The following USP40 variants were observed in gnomAD, a reference collection of about 807,000 sequenced individuals.
USP40 encodes ubiquitin specific peptidase 40.
Under a neutral mutation model 166.2 loss-of-function variants are expected in USP40, and 143 were observed. That is an observed-to-expected ratio of 0.86 (90% confidence interval 0.75 to 0.99). The LOEUF (loss-of-function observed/expected upper bound fraction) is 0.99, where lower values mean the gene tolerates loss of function less well. Among genes scored for constraint, USP40 ranks in the 50% least tolerant of loss-of-function variants. The pLI is 0.00. For missense variants in USP40, 1,444 were observed against 1,479.7 expected, an observed-to-expected ratio of 0.98 and a Z score of 0.40; for synonymous variants, 498 against 524.0, an observed-to-expected ratio of 0.95 and a Z score of 0.68.
At chr2:233,491,649 T>G (rs879642252) in intron 25 of USP40, among the ~76,000 whole-genome samples, 3 of 151,234 alleles carry the variant, frequency 2.0e-5, no homozygotes, top group Admixed American at 2.0e-4. Flanking sequence ...TCTGTCTGTG[T>G]GCAGGCGTTT....
chr2:233,482,299 G>A (rs1158234611), intron 30 of USP40, among the ~76,000 whole-genome samples: 1 of 151,922 alleles, frequency 6.6e-6, no homozygotes, highest in Non-Finnish European at 1.5e-5. Context: ...GGGAGGTGGA[G>A]GTTCCAGTGA....
chr2:233,516,169 A>G (rs956352814), intron 18 of USP40, among the ~76,000 whole-genome samples: 4 of 151,676 alleles, frequency 2.6e-5, no homozygotes, highest in Non-Finnish European at 4.4e-5. Flanking sequence ...CCTCCTCTCT[A>G]TATGTCTACC....
rs1374740869 is a variant in USP40, at chr2:233,485,649, A to T, written c.3409-23T>A. The stretch of plus-strand genomic sequence containing the variant: ...GTTCTATGGGAAAATCAAACATCTT[A>T]AATAAGCAAAACTCAACCTCAAGTT... On this transcript the variant is annotated intron_variant, in intron 29 of 31. Transcript: ENST00000678225. The T allele has an allele frequency of 1.9e-6, 3 of 1,572,634 alleles. No homozygotes were observed. The African/African-American group carries it at 5.0e-5, about 26-fold the overall frequency.
intron 9 of USP40, 139 bp downstream of exon 9, chr2:233,542,128 AT>A (rs1037241907): frequency 3.2e-5 from 13 of 410,854 alleles, no homozygotes; most frequent in African/African-American, 2.7e-4. Context: ...GATACAGAGA[AT>A]GTCCTTAAGG....
chr2:233,487,956 C>A (rs554201292), intron 28 of USP40: 1 of 618,776 alleles, frequency 1.6e-6, no homozygotes, highest in Non-Finnish European at 3.1e-6. Flanking sequence ...ACAACAGCTG[C>A]GGGTGGGCCT....
Position 233,541,427 on chromosome 2 carries a change from G to A in USP40, c.1063-658C>T, listed in dbSNP as rs532367969. 2.3e-4 allele frequency among the ~76,000 whole-genome samples: 35 copies of A among 152,286 alleles called. No homozygotes were observed. In the South Asian group the frequency reaches 7.3e-3, roughly 32 times the overall value. Reference sequence around the variant, plus strand: ...AGCACACACACAGAAGAAACACCATGTGAGGACACAGGAAGAAGACGGCCA... The same window carrying A: ...AGCACACACACAGAAGAAACACCATATGAGGACACAGGAAGAAGACGGCCA... On this transcript the variant is annotated intron_variant, in intron 9 of 31. Coordinates refer to ENST00000678225, the MANE Select transcript of USP40 (RefSeq NM_001365479.2).
At chr2:233,534,553 G>T (rs1701252401) in intron 10 of USP40, among the ~76,000 whole-genome samples, 3 of 152,120 alleles carry the variant, frequency 2.0e-5, no homozygotes, top group African/African-American at 7.2e-5. Context: ...TTTTCTCTTG[G>T]AAAGAAAGTA....
At chr2:233,516,446 C>T (rs894637462) in intron 18 of USP40, among the ~76,000 whole-genome samples, 1 of 152,046 alleles carries the variant, frequency 6.6e-6, no homozygotes, top group Admixed American at 6.6e-5. Flanking sequence ...ACCTGTAATC[C>T]CAGCACTTTG....
At position 233,493,164 on chromosome 2, in the gene USP40, A is replaced by G. The variant is rs967682125; in HGVS notation, c.2917+261T>C. 5 of 518,006 alleles carry G rather than the reference A, an allele frequency of 9.7e-6. No homozygotes were observed. The highest frequency in any genetic ancestry group is 5.7e-5 in the African/African-American group (3 of 52,700). 32.1% of individuals were successfully genotyped at this position (518,006 alleles called of 1,614,324 possible). Reference sequence around the variant, plus strand: ...TGAGGATCTTGAGAGATGATACATAAAAGTCTTTGGAAAGTGTAATATATT... The same window carrying G: ...TGAGGATCTTGAGAGATGATACATAGAAGTCTTTGGAAAGTGTAATATATT... On this transcript the variant is annotated intron_variant, in intron 25 of 31. Transcript: ENST00000678225. The surrounding 1 kb of genome is among the most constrained non-coding windows in gnomAD (Gnocchi z 4.7).
chr2:233,558,471 AC>A (rs2071293478), intron 4 of USP40, among the ~76,000 whole-genome samples: 1 of 152,188 alleles, frequency 6.6e-6, no homozygotes, highest in African/African-American at 2.4e-5. Context: ...ACATGAATGA[AC>A]CCTGAGAACA....
Position 233,565,447 on chromosome 2 carries a change from T to C in USP40, c.108A>G (p.Glu36=), listed in dbSNP as rs1201057802. 6.5e-6 allele frequency: 10 copies of C among 1,537,216 alleles called. No individual in the cohort carries two copies. In the South Asian group the frequency reaches 1.2e-4, roughly 18 times the overall value. The change falls in exon 2 of 32, where the codon GAA becomes GAG. Residue 36 remains glutamate (E), a synonymous_variant. Transcript: ENST00000678225. The part of the protein sequence containing the change: ...TKALEPPAPR[E]FTNLSGIRNQ... ...TTCTGATTCCGCTTAAATTGGTGAA[T>C]TCTCTAGGAGCAGGTGGCTCCAAAG...
intron 9 of USP40, among the ~76,000 whole-genome samples, chr2:233,541,030 C>T (rs1355680641): frequency 2.0e-5 from 3 of 152,030 alleles, no homozygotes; most frequent in Admixed American, 6.5e-5. Flanking sequence ...CTCAAGGTTT[C>T]GTAAATTCCC....
At chr2:233,511,850 G>A (rs2066865421) in intron 19 of USP40, 53 bp from the exon 20 acceptor site, 3 of 1,356,776 alleles carry the variant, frequency 2.2e-6, no homozygotes, top group East Asian at 2.5e-5. Flanking sequence ...AGCTCTCTAA[G>A]AAAAATAAAT....
At chr2:233,542,427 T>C (rs1386055406) in intron 8 of USP40, 64 bp from the exon 9 acceptor site, 6 of 998,394 alleles carry the variant, frequency 6.0e-6, no homozygotes, top group Non-Finnish European at 4.4e-6. Context: ...AATAGGAATG[T>C]TGGCCAGGCA....
chr2:233,557,556 T>C (rs2071208800), intron 4 of USP40, among the ~76,000 whole-genome samples: 1 of 152,212 alleles, frequency 6.6e-6, no homozygotes, highest in African/African-American at 2.4e-5. Context: ...GTGTGTGAAC[T>C]TGTGCTTAAG....
rs762272748 is a variant in USP40, at chr2:233,525,506, T to G, written c.1782A>C (p.Ala594=). ...MVLSVAKLVP[A]GLHIYQSLGG... Reference sequence around the variant, plus strand: ...CAAGTGACTGGTAAATGTGAAGTCCTGCTGGTACAAGCTTTGCAACACTAA... The same window carrying G: ...CAAGTGACTGGTAAATGTGAAGTCCGGCTGGTACAAGCTTTGCAACACTAA... The change falls in exon 14 of 32, where the codon GCA becomes GCC. Residue 594 remains alanine (A), a synonymous_variant. Coordinates refer to ENST00000678225, the MANE Select transcript of USP40 (RefSeq NM_001365479.2). 8.7e-6 allele frequency: 14 copies of G among 1,613,406 alleles called. No homozygotes were observed. Among genetic ancestry groups the G allele is most frequent in the Non-Finnish European group, 1.1e-5 (13 of 1,179,524 alleles).
chr2:233,493,536 G>A lies in USP40; in HGVS notation c.2806C>T (p.Pro936Ser), dbSNP rs372797472. Reference sequence around the variant, plus strand: ...CCCTGAAGCTGGTACCACCAGATGGGCACCTTCAGGAAACCCTGAAGAATG... The same window carrying A: ...CCCTGAAGCTGGTACCACCAGATGGACACCTTCAGGAAACCCTGAAGAATG... ...QLPPLGFLKV[P>S]IWWYQLQGPS... The change falls in exon 25 of 32, where the codon CCC (proline) becomes TCC (serine). Residue 936 changes from proline to serine, a missense_variant. Pro to Ser is a moderately conservative substitution (Grantham distance 74). Coordinates refer to ENST00000678225, the MANE Select transcript of USP40 (RefSeq NM_001365479.2). This position sits in a 1 kb window ranked among gnomAD's most constrained non-coding sequence, Gnocchi z 4.7. 3.1e-6 allele frequency: 5 copies of A among 1,612,448 alleles called. No homozygotes were observed. The highest frequency in any genetic ancestry group is 1.1e-5 in the South Asian group (1 of 90,732).
At chr2:233,558,027 T>C (rs1295120695) in intron 4 of USP40, among the ~76,000 whole-genome samples, 2 of 113,328 alleles carry the variant, frequency 1.8e-5, no homozygotes, top group African/African-American at 6.2e-5. Flanking sequence ...AAAAAAAAAG[T>C]TTTGTGTGAA....
In USP40 at chr2:233,527,899, AC is replaced by A. The variant is rs536493387; in HGVS notation, c.1554-322del. ...TGAACAAAATGCTAGAGACCTGCTTACATCATTATGTTAAGTAGCAGATTTA... is the reference window on the plus strand; with the variant it reads ...TGAACAAAATGCTAGAGACCTGCTTAATCATTATGTTAAGTAGCAGATTTA... On this transcript the variant is annotated intron_variant, in intron 12 of 31. Transcript: ENST00000678225. 7.0e-3 allele frequency among the ~76,000 whole-genome samples: 1,065 copies of A among 152,236 alleles called. 14 individuals are homozygous for A. Among genetic ancestry groups the A allele is most frequent in the African/African-American group, 0.025 (1,021 of 41,516 alleles).
Sources: allele counts gnomAD v4.1 joint callset (sites outside exome capture counted in the v4.1 genomes callset), GRCh38; gene constraint gnomAD v4.1.1; non-coding constraint Gnocchi (gnomAD v3.1); transcripts MANE v1.5; gene names NCBI Gene and HGNC (gene_info 2026-07-23, HGNC 2026-07-21).